ZNF519: variants seen among roughly 807,000 people sequenced by gnomAD.
The protein encoded by ZNF519 is zinc finger protein 519, also known as similar to Zinc finger protein 85 (Zinc finger protein HPF4) (HTF1).
Under a neutral mutation model 7.4 loss-of-function variants are expected in ZNF519, and 7 were observed. The ratio of observed to expected loss-of-function variants is 0.94; its 90% CI spans 0.54 to 1.77. The LOEUF (loss-of-function observed/expected upper bound fraction) is 1.77, where lower values mean the gene tolerates loss of function less well. Among genes scored for constraint, ZNF519 ranks in the 40% most tolerant of loss-of-function variants. The pLI is 0.00. For missense variants in ZNF519, 586 were observed against 623.1 expected (o/e 0.94, Z 0.63); for synonymous variants, 179 against 203.3 (o/e 0.88, Z 1.02).
At chr18:14,090,599 C>G (rs1365034815) in intron 2 of ZNF519, 2 of 152,332 alleles carry the variant, frequency 1.3e-5, no homozygotes, top group Admixed American at 1.3e-4. Flanking sequence ...CTGCCCCTCC[C>G]CTCCACTCAG....
intron 2 of ZNF519, among the ~76,000 whole-genome samples, chr18:14,121,405 T>C (rs2046269196): frequency 1.3e-5 from 2 of 152,314 alleles, no homozygotes; most frequent in East Asian, 1.9e-4. Flanking sequence ...AACTTGACTA[T>C]ATTTTATTTC....
chr18:14,082,258 TTAA>T (rs1254811485), intron 3 of ZNF519: 9 of 152,136 alleles, frequency 5.9e-5, no homozygotes, highest in East Asian at 1.9e-4. Context: ...AATAAAATAT[TTAA>T]TAATAAGCAT....
chr18:14,092,779 A>G (rs1311880132), intron 2 of ZNF519, among the ~76,000 whole-genome samples: 1 of 152,216 alleles, frequency 6.6e-6, no homozygotes, highest in Non-Finnish European at 1.5e-5. Context: ...GGCTCCCCTA[A>G]GCCCTCTTGT....
intron 1 of ZNF519, among the ~76,000 whole-genome samples, chr18:14,129,158 G>A (rs866299767): frequency 6.6e-6 from 1 of 152,186 alleles, no homozygotes; most frequent in African/African-American, 2.4e-5. Context: ...CATACAATCA[G>A]AAGAGATTAT....
At chr18:14,119,936 A>G (rs2046262864) in intron 2 of ZNF519, among the ~76,000 whole-genome samples, 1 of 152,128 alleles carries the variant, frequency 6.6e-6, no homozygotes, top group African/African-American at 2.4e-5. Context: ...AGTAGACCCA[A>G]ATAAATAGAA....
chr18:14,124,574 T>C (rs1283553764), intron 1 of ZNF519, 98 bp from the exon 2 acceptor site: 17 of 1,412,060 alleles, frequency 1.2e-5, no homozygotes, highest in East Asian at 1.2e-4. Flanking sequence ...ACTAGGATTA[T>C]CTGATAAAAT....
At chr18:14,112,122 T>C (rs2046224134) in intron 2 of ZNF519, among the ~76,000 whole-genome samples, 1 of 152,164 alleles carries the variant, frequency 6.6e-6, no homozygotes, top group Admixed American at 6.5e-5. Flanking sequence ...AAAAAGATTA[T>C]TATACCTCAT....
chr18:14,120,099 TATTGAAAAA>T (rs1407481325), intron 2 of ZNF519, among the ~76,000 whole-genome samples: 1 of 152,086 alleles, frequency 6.6e-6, no homozygotes, highest in African/African-American at 2.4e-5. Flanking sequence ...ACCTGAGCAA[TATTGAAAAA>T]GAACAAAGCT....
chr18:14,077,191 G>C (rs142539912), exon 5 of ZNF519: 25 of 152,320 alleles, frequency 1.6e-4, no homozygotes, highest in African/African-American at 6.0e-4. Flanking sequence ...GTTAGGGACT[G>C]GTTTGTGACC....
chr18:14,105,125 C>A lies in ZNF519; in HGVS notation c.1415G>T (p.Gly472Val), dbSNP rs1328138205. ...CEECGKAFIW[G>V]SHLTQHQRVH... Reference sequence around the variant, plus strand: ...TCTCTGATGTTGAGTAAGGTGTGAGCCCCAGATAAAAGCTTTGCCACATTC... The same window carrying A: ...TCTCTGATGTTGAGTAAGGTGTGAGACCCAGATAAAAGCTTTGCCACATTC... The change falls in exon 3 of 3, where the codon GGC (glycine) becomes GTC (valine). Residue 472 changes from glycine to valine, a missense_variant. Gly to Val is a moderately radical substitution (Grantham distance 109). Coordinates refer to ENST00000590202, the MANE Select transcript of ZNF519 (RefSeq NM_145287.4). 1.2e-6 allele frequency: 2 copies of A among 1,613,080 alleles called. No individual in the cohort carries two copies. The highest frequency in any genetic ancestry group is 1.3e-5 in the African/African-American group (1 of 74,870).
intron 1 of ZNF519, among the ~76,000 whole-genome samples, chr18:14,126,609 T>C (rs771115147): frequency 1.3e-5 from 2 of 152,220 alleles, no homozygotes; most frequent in Non-Finnish European, 2.9e-5. Flanking sequence ...GTAGGGACCA[T>C]GACTGCTTCA....
rs566871025 is a variant in ZNF519, at chr18:14,101,806, G to A, written c.*3111C>T. The A allele has an allele frequency of 2.5e-5, 10 of 398,460 alleles. No homozygotes were observed. The South Asian group carries it at 7.6e-4, about 30-fold the overall frequency. 24.7% of individuals were successfully genotyped at this position (398,460 alleles called of 1,614,324 possible). A position where few individuals can be genotyped will look rare whatever the true frequency, so the allele number is the denominator to read the frequency against. ...GACAAACCAGCAGTTAATCTTGCACGCAACAGAGCCCTGCTTGGCTGACCT... is the reference window on the plus strand; with the variant it reads ...GACAAACCAGCAGTTAATCTTGCACACAACAGAGCCCTGCTTGGCTGACCT... On this transcript the variant is annotated 3_prime_UTR_variant, in exon 3 of 3. Transcript: ENST00000590202.
At chr18:14,091,398 G>A (rs1293269587) in intron 2 of ZNF519, among the ~76,000 whole-genome samples, 1 of 152,108 alleles carries the variant, frequency 6.6e-6, no homozygotes, top group Non-Finnish European at 1.5e-5. Context: ...ACAAAATTAA[G>A]CCAGGGTTTC....
intron 3 of ZNF519, chr18:14,082,108 A>G (rs189128463): frequency 6.6e-6 from 1 of 152,118 alleles, no homozygotes; most frequent in Non-Finnish European, 1.5e-5. Flanking sequence ...CTGCTTAAGA[A>G]ATTTTTATTA....
downstream of ZNF519, chr18:14,071,491 T>G (rs1224717566): frequency 2.0e-5 from 3 of 152,060 alleles, no homozygotes; most frequent in Admixed American, 2.0e-4. Context: ...TCAAGAAAAT[T>G]AGGGTGAATA....
chr18:14,088,489 C>T (rs2046100720), intron 2 of ZNF519, among the ~76,000 whole-genome samples: 1 of 152,090 alleles, frequency 6.6e-6, no homozygotes, highest in Admixed American at 6.6e-5. Flanking sequence ...TGGCTAAGTG[C>T]ATATGATACA....
chr18:14,123,080 G>C (rs2143162923), intron 2 of ZNF519: 1 of 186,828 alleles, frequency 5.4e-6, no homozygotes, highest in African/African-American at 2.4e-5. Flanking sequence ...TGGTCCCCTT[G>C]CCTGTGTCAT....
exon 5 of ZNF519, chr18:14,076,298 A>G (rs909586346): frequency 1.3e-5 from 2 of 152,210 alleles, no homozygotes; most frequent in African/African-American, 4.8e-5. Context: ...CTTAATTTAT[A>G]GGCAAATATC....
chr18:14,093,778 A>C (rs1274188012), intron 2 of ZNF519, among the ~76,000 whole-genome samples: 1 of 152,194 alleles, frequency 6.6e-6, no homozygotes, highest in Non-Finnish European at 1.5e-5. Context: ...CATGGCTTTA[A>C]CAATTGTCTG....
Sources: allele counts gnomAD v4.1 joint callset (sites outside exome capture counted in the v4.1 genomes callset), GRCh38; gene constraint gnomAD v4.1.1; transcripts MANE v1.5; gene names NCBI Gene and HGNC (gene_info 2026-07-23, HGNC 2026-07-21).